TBC1D16: variants seen among roughly 807,000 people sequenced by gnomAD.
TBC1D16 encodes TBC1 domain family member 16.
A neutral mutation model predicts 74.7 loss-of-function variants in TBC1D16; 58 were observed. That is an observed-to-expected ratio of 0.78 (90% CI 0.63 to 0.97). TBC1D16 has a LOEUF of 0.97. TBC1D16 is among the 50% of genes least tolerant of loss of function. The pLI is 0.00. For synonymous variants in TBC1D16, 493 were observed against 474.7 expected (o/e 1.04, Z -0.50); for missense variants, 1,014 against 1,079.5 (o/e 0.94, Z 0.85).
In TBC1D16 at chr17:79,938,643, G is replaced by A. The variant is rs2031770622; in HGVS notation, c.*2216C>T. ...ATTATTAGGACACAGACTCTCCAGAGTCCCAGTTGTTTAGCCCTCCAAATT... is the reference window on the plus strand; with the variant it reads ...ATTATTAGGACACAGACTCTCCAGAATCCCAGTTGTTTAGCCCTCCAAATT... On this transcript the variant is annotated 3_prime_UTR_variant, in exon 12 of 12. Transcript: ENST00000310924. 1 of 152,266 alleles carries A rather than the reference G, an allele frequency of 6.6e-6. No individual in the cohort carries two copies. Among genetic ancestry groups the A allele is most frequent in the Non-Finnish European group, 1.5e-5 (1 of 68,100 alleles). 9.4% of individuals were successfully genotyped at this position (152,266 alleles called of 1,614,324 possible). A position where few individuals can be genotyped will look rare whatever the true frequency, so the allele number is the denominator to read the frequency against.
rs1485065888 is a variant in TBC1D16, at chr17:79,971,256, CAG to C, written c.780-18440_780-18439del. On this transcript the variant is annotated intron_variant, in intron 3 of 11. Transcript: ENST00000310924. The surrounding 1 kb of genome is among the most constrained non-coding windows in gnomAD (Gnocchi z 4.6). ...CAGGCTGGTCTCAAACTCCTGGCCT[CAG>C]GTGATCCACCCACTTCGGCCTCCCA... Among the ~76,000 whole-genome samples, 1 of 152,184 alleles carries C rather than the reference CAG, an allele frequency of 6.6e-6. No homozygotes were observed. The highest frequency in any genetic ancestry group is 1.5e-5 in the Non-Finnish European group (1 of 68,028).
At chr17:80,031,658 T>G (rs546008225) in intron 1 of TBC1D16, among the ~76,000 whole-genome samples, 3 of 152,114 alleles carry the variant, frequency 2.0e-5, no homozygotes, top group Non-Finnish European at 4.4e-5. Flanking sequence ...GCACCCTTGA[T>G]AGTAGATTGT....
intron 3 of TBC1D16, among the ~76,000 whole-genome samples, chr17:79,967,200 G>C (rs567497378): frequency 2.0e-5 from 3 of 152,138 alleles, no homozygotes; most frequent in Non-Finnish European, 4.4e-5. Flanking sequence ...CCTTGTGCTG[G>C]AAGGTCTACC....
intron 1 of TBC1D16, among the ~76,000 whole-genome samples, chr17:80,032,242 G>C (rs1416868297): frequency 6.6e-6 from 1 of 152,146 alleles, no homozygotes; most frequent in Non-Finnish European, 1.5e-5. Flanking sequence ...CCACATCTCA[G>C]CGTCTGCAGC....
rs1470931495 is a variant in TBC1D16, at chr17:79,940,272, TTA to T, written c.*585_*586del. ...TCTATCCCCACATCGGTTGGGCTTT[TTA>T]TCTTTTGCTTTTCTTTTATGGCAGA... On this transcript the variant is annotated 3_prime_UTR_variant, in exon 12 of 12. Coordinates refer to ENST00000310924, the MANE Select transcript of TBC1D16 (RefSeq NM_019020.4). The surrounding 1 kb of genome is among the most constrained non-coding windows in gnomAD (Gnocchi z 5.4). 1 of 152,210 alleles carries T rather than the reference TTA, an allele frequency of 6.6e-6. No homozygotes were observed. The highest frequency in any genetic ancestry group is 1.5e-5 in the Non-Finnish European group (1 of 68,048). The allele number at this position is 152,210 out of a possible 1,614,324, so 9.4% of individuals were successfully genotyped here. A position where few individuals can be genotyped will look rare whatever the true frequency, so the allele number is the denominator to read the frequency against.
chr17:79,987,002 G>A lies in TBC1D16; in HGVS notation c.779+23158C>T, dbSNP rs943997078. 2.6e-5 allele frequency among the ~76,000 whole-genome samples: 4 copies of A among 152,210 alleles called. No homozygotes were observed. Among genetic ancestry groups the A allele is most frequent in the African/African-American group, 9.6e-5 (4 of 41,468 alleles). On this transcript the variant is annotated intron_variant, in intron 3 of 11. Transcript: ENST00000310924. The surrounding 1 kb of genome is among the most constrained non-coding windows in gnomAD (Gnocchi z 5.2). Reference sequence around the variant, plus strand: ...GGGATATGTTTTGTTTCCACAGAGGGACCCTGAATTTTGAGGTGGGGCCAC... The same window carrying A: ...GGGATATGTTTTGTTTCCACAGAGGAACCCTGAATTTTGAGGTGGGGCCAC...
At chr17:80,031,154 G>T (rs1446458963) in intron 1 of TBC1D16, among the ~76,000 whole-genome samples, 1 of 152,212 alleles carries the variant, frequency 6.6e-6, no homozygotes, top group South Asian at 2.1e-4. Flanking sequence ...AGGCAGCCAG[G>T]ATCAGGACCC....
At chr17:79,964,512 A>G (rs2033760340) in intron 3 of TBC1D16, among the ~76,000 whole-genome samples, 1 of 152,158 alleles carries the variant, frequency 6.6e-6, no homozygotes, top group South Asian at 2.1e-4. Context: ...AATTGCAGAT[A>G]AGACATTGGG....
Position 79,941,920 on chromosome 17 carries a change from CGT to C in TBC1D16, c.2055+138_2055+139del. On this transcript the variant is annotated intron_variant, in intron 11 of 11. Transcript: ENST00000310924. The surrounding 1 kb of genome is among the most constrained non-coding windows in gnomAD (Gnocchi z 4.3). ...CCAGTGCTATGGGTGGGGGAGGGCA[CGT>C]GCTGGGGGGCCATGGTGGGGATGGG... 1 of 723,668 alleles carries C rather than the reference CGT, an allele frequency of 1.4e-6. No homozygotes were observed. Among genetic ancestry groups the C allele is most frequent in the African/African-American group, 1.9e-5 (1 of 52,802 alleles). The allele number at this position is 723,668 out of a possible 1,614,324, so 44.8% of individuals were successfully genotyped here.
Position 79,987,194 on chromosome 17 carries a change from G to A in TBC1D16, c.779+22966C>T, listed in dbSNP as rs1389083842. 3.3e-5 allele frequency among the ~76,000 whole-genome samples: 5 copies of A among 152,036 alleles called. No individual in the cohort carries two copies. Among genetic ancestry groups the A allele is most frequent in the African/African-American group, 7.2e-5 (3 of 41,398 alleles). On this transcript the variant is annotated intron_variant, in intron 3 of 11. Transcript: ENST00000310924. This position sits in a 1 kb window ranked among gnomAD's most constrained non-coding sequence, Gnocchi z 5.2. ...GCACTGGAGAAAATTGTTCCAGAGC[G>A]TCTCGGTCTGGGTGGGAGCGGGGAA...
intron 1 of TBC1D16, among the ~76,000 whole-genome samples, chr17:80,034,312 T>C (rs765632127): frequency 6.6e-6 from 1 of 151,610 alleles, no homozygotes; most frequent in Non-Finnish European, 1.5e-5. Flanking sequence ...GCGATTCCCC[T>C]GTCTCAGCCT....
chr17:80,010,408 C>T lies in TBC1D16; in HGVS notation c.531G>A (p.Ser177=), dbSNP rs578153450. 46 of 1,611,168 alleles carry T rather than the reference C, an allele frequency of 2.9e-5. No individual in the cohort carries two copies. In the East Asian group the frequency reaches 6.7e-4, roughly 23 times the overall value. Residue 177 remains serine (S), a synonymous_variant, in exon 3 of 12, where the codon TCG becomes TCA. Transcript: ENST00000310924. This position sits in a 1 kb window ranked among gnomAD's most constrained non-coding sequence, Gnocchi z 8.8. ...GLGVDGAQPA[S]QPACSPSGIL... is the part of the protein sequence containing the mutation. ...TCCCGGAGGGGCTGCAAGCAGGCTG[C>T]GAGGCTGGCTGGGCACCATCCACCC... is the stretch of plus-strand genomic sequence containing the variant.
In TBC1D16 at chr17:79,954,682, G is replaced by T. The variant is rs2033251764; in HGVS notation, c.780-1864C>A. ...CTGAGGCCCCACCGCACCCATGGGT[G>T]CCCCCTTCTGTCATCTGCTCATTGA... On this transcript the variant is annotated intron_variant, in intron 3 of 11. Transcript: ENST00000310924. This position sits in a 1 kb window ranked among gnomAD's most constrained non-coding sequence, Gnocchi z 5.5. Among the ~76,000 whole-genome samples, 2 of 152,152 alleles carry T rather than the reference G, an allele frequency of 1.3e-5. No homozygotes were observed. The highest frequency in any genetic ancestry group is 1.3e-4 in the Admixed American group (2 of 15,274).
chr17:79,949,116 G>T, intron 7 of TBC1D16, 110 bp from the exon 8 acceptor site: 2 of 1,476,406 alleles, frequency 1.4e-6, no homozygotes, highest in Non-Finnish European at 1.8e-6. Flanking sequence ...TTCCCTGGAC[G>T]GGAGCTGGGC....
chr17:79,980,720 G>A lies in TBC1D16; in HGVS notation c.780-27902C>T, dbSNP rs144926855. On this transcript the variant is annotated intron_variant, in intron 3 of 11. Transcript: ENST00000310924. The surrounding 1 kb of genome is among the most constrained non-coding windows in gnomAD (Gnocchi z 7.0). ...CCTTTCAGCCCCCCAGGGTTCACTC[G>A]AACCGCCTCCGCGCACCCCAACAGC... is the stretch of plus-strand genomic sequence containing the variant. Among the ~76,000 whole-genome samples the A allele has an allele frequency of 4.4e-3, 677 of 152,324 alleles. 3 individuals carry two copies. The highest frequency in any genetic ancestry group is 0.016 in the African/African-American group (654 of 41,580).
chr17:79,949,029 C>A (rs1167838707), intron 7 of TBC1D16, 23 bp from the exon 8 acceptor site: 2 of 1,613,296 alleles, frequency 1.2e-6, no homozygotes, highest in Admixed American at 3.3e-5. Flanking sequence ...GAGCACCCAG[C>A]CGGGGTCAGC....
In TBC1D16 at chr17:79,979,036, T is replaced by C. The variant is rs554603812; in HGVS notation, c.780-26218A>G. On this transcript the variant is annotated intron_variant, in intron 3 of 11. Transcript: ENST00000310924. The surrounding 1 kb of genome is among the most constrained non-coding windows in gnomAD (Gnocchi z 4.8). ...ACCCAAAAAGAATGTTTATTTTTTTTCCCCTAGATTTTATAGGAGCTTAAC... is the reference window on the plus strand; with the variant it reads ...ACCCAAAAAGAATGTTTATTTTTTTCCCCCTAGATTTTATAGGAGCTTAAC... 2.6e-5 allele frequency among the ~76,000 whole-genome samples: 4 copies of C among 152,342 alleles called. No homozygotes were observed. The highest frequency in any genetic ancestry group is 2.1e-4 in the South Asian group (1 of 4,830).
intron 3 of TBC1D16, among the ~76,000 whole-genome samples, chr17:79,955,420 G>C (rs1169773513): frequency 6.6e-6 from 1 of 152,182 alleles, no homozygotes; most frequent in African/African-American, 2.4e-5. Flanking sequence ...CATGCCTGAA[G>C]TGAAAATGTA....
chr17:80,017,909 C>A (rs1015079749), intron 1 of TBC1D16, among the ~76,000 whole-genome samples: 3 of 152,136 alleles, frequency 2.0e-5, no homozygotes, highest in African/African-American at 7.2e-5. Context: ...CACACAGGGG[C>A]ATATGACAAC....
Sources: gnomAD v4.1 joint callset for allele counts (sites outside exome capture counted in the v4.1 genomes callset) on GRCh38, gnomAD v4.1.1 for gene constraint, Gnocchi (gnomAD v3.1) non-coding constraint, MANE v1.5 for transcripts, NCBI Gene and HGNC (gene_info 2026-07-23, HGNC 2026-07-21) for gene names.